Variants in TMOD3 observed in about 807,000 individuals in gnomAD.
TMOD3 encodes tropomodulin-3.
In TMOD3, 20 loss-of-function variants were observed where a neutral mutation model predicts 39.2. The ratio of observed to expected loss-of-function variants is 0.51; its 90% CI spans 0.36 to 0.74. The LOEUF (loss-of-function observed/expected upper bound fraction) is 0.74, where lower values mean the gene tolerates loss of function less well. TMOD3 is among the 30% of genes least tolerant of loss of function. The pLI is 0.00. For synonymous variants in TMOD3, 143 were observed against 145.8 expected (o/e 0.98, Z 0.14); for missense variants, 381 against 412.8 (o/e 0.92, Z 0.67).
At position 51,912,204 on chromosome 15, in the gene TMOD3, G is replaced by A. The variant is rs2056715053; in HGVS notation, c.*3394G>A. The stretch of plus-strand genomic sequence containing the variant: ...GCACTTTGGGAGGCCGAGGTGGGCG[G>A]ATCACCTGAGGTCAGGAGTTCGAGA... On this transcript the variant is annotated 3_prime_UTR_variant, in exon 10 of 10. Coordinates refer to ENST00000308580, the MANE Select transcript of TMOD3 (RefSeq NM_014547.5). The A allele has an allele frequency of 6.6e-6, 1 of 152,132 alleles. No homozygotes were observed. The highest frequency in any genetic ancestry group is 1.5e-5 in the Non-Finnish European group (1 of 68,024). The allele number at this position is 152,132 out of a possible 1,614,324, so 9.4% of individuals were successfully genotyped here.
intron 1 of TMOD3, among the ~76,000 whole-genome samples, chr15:51,857,561 T>TA (rs1437668993): frequency 6.6e-6 from 1 of 152,190 alleles, no homozygotes; most frequent in East Asian, 1.9e-4. Flanking sequence ...TATTGCCTAT[T>TA]AGAGTGCCCT....
At chr15:51,885,924 C>A (rs911325794) in intron 3 of TMOD3, among the ~76,000 whole-genome samples, 13 of 144,536 alleles carry the variant, frequency 9.0e-5, no homozygotes, top group Non-Finnish European at 1.8e-4. Context: ...GGCTGCCCCC[C>A]ACCTCCCTCC....
At chr15:51,895,469 C>T (rs2056615938) in intron 6 of TMOD3, among the ~76,000 whole-genome samples, 1 of 152,132 alleles carries the variant, frequency 6.6e-6, no homozygotes, top group African/African-American at 2.4e-5. Context: ...ATTCGCCCAC[C>T]TTGGCCTCCC....
chr15:51,834,088 T>G (rs1296236739), intron 1 of TMOD3, among the ~76,000 whole-genome samples: 1 of 152,220 alleles, frequency 6.6e-6, no homozygotes, highest in Admixed American at 6.5e-5. Context: ...TCTTTTTTTG[T>G]GAATTGTTTG....
intron 1 of TMOD3, among the ~76,000 whole-genome samples, chr15:51,839,165 C>CTTTTTTTTTTTTTTTTTT (rs60102349): frequency 9.2e-6 from 1 of 108,970 alleles, no homozygotes; most frequent in Non-Finnish European, 2.0e-5. Context: ...GTGTATCTCT[C>CTTTTTTTTTTTTTTTTTT]TTTTTTTTTT....
At chr15:51,887,877 A>C (rs1015820630) in intron 4 of TMOD3, among the ~76,000 whole-genome samples, 166 bp downstream of exon 4, 1 of 152,240 alleles carries the variant, frequency 6.6e-6, no homozygotes, top group Admixed American at 6.5e-5. Flanking sequence ...TGACGTAAAG[A>C]GTTTCATTTC....
At chr15:51,860,637 C>G (rs973408674) in intron 1 of TMOD3, 3 of 534,850 alleles carry the variant, frequency 5.6e-6, no homozygotes, top group Non-Finnish European at 1.1e-5. Flanking sequence ...CCATTTCTTA[C>G]AAAAAACTAC....
chr15:51,908,635 T>G (rs1595916003), intron 9 of TMOD3, 141 bp from the exon 10 acceptor site: 1 of 440,670 alleles, frequency 2.3e-6, no homozygotes, highest in Non-Finnish European at 3.8e-6. Context: ...TTTTAATTAG[T>G]GGTCATGTGA....
rs188503877 is a variant in TMOD3 at position 51,896,709 on chromosome 15, C to T, written c.735+183C>T. On this transcript the variant is annotated intron_variant, in intron 7 of 9. Transcript: ENST00000308580. ...TGTATTTCCTTCCTATGAATTTTTT[C>T]CCCCTCCCAGCTTCCCCCTCCTTCC... 6.2e-4 allele frequency among the ~76,000 whole-genome samples: 94 copies of T among 151,658 alleles called. No individual in the cohort carries two copies. The East Asian group carries it at 0.014, about 22-fold the overall frequency.
chr15:51,881,287 G>A (rs2056532235), intron 3 of TMOD3, among the ~76,000 whole-genome samples: 1 of 151,976 alleles, frequency 6.6e-6, no homozygotes, highest in Non-Finnish European at 1.5e-5. Context: ...CTTTTAAACT[G>A]GGTTGTCCTT....
chr15:51,836,265 C>A (rs904686646), intron 1 of TMOD3, among the ~76,000 whole-genome samples: 1 of 152,114 alleles, frequency 6.6e-6, no homozygotes, highest in Non-Finnish European at 1.5e-5. Flanking sequence ...CAGAAATAAA[C>A]CCCTTACCAT....
At chr15:51,878,376 A>ATGTGTGTGTTTG (rs1555387057) in intron 3 of TMOD3, among the ~76,000 whole-genome samples, 1 of 147,318 alleles carries the variant, frequency 6.8e-6, no homozygotes, top group African/African-American at 2.5e-5. Flanking sequence ...TTTAAAATAT[A>ATGTGTGTGTTTG]TGTGTGTGTG....
rs35778880 is a variant in TMOD3 at position 51,887,248 on chromosome 15, GTT to G, written c.284-328_284-327del. ...AAAAAAAAAAAGGAAATTGGATTCT[GTT>G]TTTTTTTTTTTTAATCTCTTTAAAG... On this transcript the variant is annotated intron_variant, in intron 3 of 9. Coordinates refer to ENST00000308580, the MANE Select transcript of TMOD3 (RefSeq NM_014547.5). 4.4e-3 allele frequency among the ~76,000 whole-genome samples: 605 copies of G among 137,654 alleles called. 4 individuals are homozygous for G. Among genetic ancestry groups the G allele is most frequent in the African/African-American group, 0.014 (506 of 37,358 alleles). The allele number at this position is 137,654 out of a possible 152,430, so 90.3% of individuals were successfully genotyped here. A position where few individuals can be genotyped will look rare whatever the true frequency, so the allele number is the denominator to read the frequency against.
At chr15:51,848,367 C>T (rs1400092047) in intron 1 of TMOD3, among the ~76,000 whole-genome samples, 1 of 152,154 alleles carries the variant, frequency 6.6e-6, no homozygotes, top group Admixed American at 6.5e-5. Flanking sequence ...TCAACAATCC[C>T]AAGAATACAT....
chr15:51,844,163 A>G (rs556993455), intron 1 of TMOD3, among the ~76,000 whole-genome samples: 1 of 152,304 alleles, frequency 6.6e-6, no homozygotes, highest in African/African-American at 2.4e-5. Context: ...ACACTGAGTG[A>G]ACCCTCTCCC....
chr15:51,845,406 C>T (rs562485875), intron 1 of TMOD3, among the ~76,000 whole-genome samples: 5 of 152,174 alleles, frequency 3.3e-5, no homozygotes, highest in African/African-American at 7.2e-5. Context: ...TCCATAGATC[C>T]GCTCACCCTC....
Position 51,912,139 on chromosome 15 carries a change from T to C in TMOD3, c.*3329T>C, listed in dbSNP as rs1012126986. On this transcript the variant is annotated 3_prime_UTR_variant, in exon 10 of 10. Transcript: ENST00000308580. The stretch of plus-strand genomic sequence containing the variant: ...ACATAATAAAAATTATTTTAAAAAA[T>C]GTTTTGGGCCGGGTGCGGTGGCTCA... 2 of 152,090 alleles carry C rather than the reference T, an allele frequency of 1.3e-5. No individual in the cohort carries two copies. Among genetic ancestry groups the C allele is most frequent in the African/African-American group, 4.8e-5 (2 of 41,436 alleles). 9.4% of individuals were successfully genotyped at this position (152,090 alleles called of 1,614,324 possible). A position where few individuals can be genotyped will look rare whatever the true frequency, so the allele number is the denominator to read the frequency against.
At chr15:51,898,607 A>C (rs1349001740) in intron 7 of TMOD3, among the ~76,000 whole-genome samples, 2 of 152,214 alleles carry the variant, frequency 1.3e-5, no homozygotes, top group East Asian at 1.9e-4. Flanking sequence ...GATTTGTTCC[A>C]GGTCACATAG....
intron 1 of TMOD3, among the ~76,000 whole-genome samples, chr15:51,837,201 T>TA (rs2056290515): frequency 6.6e-6 from 1 of 152,142 alleles, no homozygotes; most frequent in African/African-American, 2.4e-5. Flanking sequence ...TGTGGAAAAT[T>TA]ACAGCCAACA....
Sources: gnomAD v4.1 joint callset for allele counts (sites outside exome capture counted in the v4.1 genomes callset) on GRCh38, gnomAD v4.1.1 for gene constraint, MANE v1.5 for transcripts, NCBI Gene and HGNC (gene_info 2026-07-23, HGNC 2026-07-21) for gene names.